OSBPL10: variants seen among roughly 807,000 people sequenced by gnomAD.
OSBPL10 encodes the protein oxysterol-binding protein-related protein 10.
OSBPL10 carries 49 observed loss-of-function variants against 81.7 expected under a neutral mutation model. That is an observed-to-expected ratio of 0.60 (90% CI 0.48 to 0.76). OSBPL10 has a LOEUF of 0.76. Ranked by LOEUF, OSBPL10 falls within the 30% of genes least tolerant of loss-of-function variation. The pLI, the probability that OSBPL10 is intolerant of heterozygous loss-of-function variation, is 0.00. For synonymous variants in OSBPL10, 419 were observed against 383.6 expected, an observed-to-expected ratio of 1.09 and a Z score of -1.08; for missense variants, 923 against 987.8, an observed-to-expected ratio of 0.93 and a Z score of 0.88.
intron 1 of OSBPL10, among the ~76,000 whole-genome samples, chr3:31,933,695 C>G (rs1227245672): frequency 6.6e-6 from 1 of 152,054 alleles, no homozygotes; most frequent in South Asian, 2.1e-4. Context: ...CAGGATTGAG[C>G]CAGGGCACCC....
At chr3:31,745,905 G>A (rs907429285) in intron 5 of OSBPL10, among the ~76,000 whole-genome samples, 2 of 152,148 alleles carry the variant, frequency 1.3e-5, no homozygotes, top group African/African-American at 4.8e-5. Flanking sequence ...AAGGGCAGTT[G>A]GGGAAAGCAT....
At chr3:31,940,477 G>C (rs773115017) in intron 1 of OSBPL10, among the ~76,000 whole-genome samples, 3 of 152,186 alleles carry the variant, frequency 2.0e-5, no homozygotes, top group Non-Finnish European at 4.4e-5. Context: ...CCTATATCTG[G>C]TTTGATGTGT....
chr3:31,788,579 T>G (rs73057421), intron 4 of OSBPL10, among the ~76,000 whole-genome samples: 8 of 152,240 alleles, frequency 5.3e-5, no homozygotes, highest in Non-Finnish European at 1.0e-4. Context: ...GCCCCTTTTC[T>G]CTAACATTCA....
At chr3:32,049,482 G>A (rs1268891976) in intron 1 of OSBPL10, among the ~76,000 whole-genome samples, 1 of 152,138 alleles carries the variant, frequency 6.6e-6, no homozygotes, top group Non-Finnish European at 1.5e-5. Context: ...TCTAAAGACA[G>A]AGAGGGTTAA....
At chr3:31,662,213 T>A in intron 11 of OSBPL10, 97 bp from the exon 12 acceptor site, 2 of 1,587,190 alleles carry the variant, frequency 1.3e-6, no homozygotes, top group South Asian at 2.3e-5. Context: ...GTCTGCCGTG[T>A]CTTAATACCT....
At chr3:32,015,488 A>G (rs1699304154) in intron 2 of OSBPL10, among the ~76,000 whole-genome samples, 1 of 152,260 alleles carries the variant, frequency 6.6e-6, no homozygotes, top group South Asian at 2.1e-4. Flanking sequence ...ACCTAAAACC[A>G]TAAAAACTCT....
chr3:31,934,461 T>G (rs1242039995), intron 1 of OSBPL10, among the ~76,000 whole-genome samples: 25 of 147,768 alleles, frequency 1.7e-4, no homozygotes, highest in African/African-American at 6.0e-4. Flanking sequence ...CAGGCTGGAG[T>G]GCAATGGCAC....
intron 7 of OSBPL10, among the ~76,000 whole-genome samples, chr3:31,696,378 T>G (rs921007777): frequency 1.6e-4 from 24 of 152,272 alleles, no homozygotes; most frequent in African/African-American, 5.5e-4. Flanking sequence ...CCCAATTTTC[T>G]GTTCCCTTTT....
chr3:31,747,317 CA>C (rs533249457), intron 5 of OSBPL10, among the ~76,000 whole-genome samples: 52 of 140,332 alleles, frequency 3.7e-4, no homozygotes, highest in East Asian at 1.8e-3. Flanking sequence ...GACTTTGACT[CA>C]AAAAAAAAAA....
At chr3:31,686,509 A>G (rs888575753) in intron 7 of OSBPL10, among the ~76,000 whole-genome samples, 3 of 152,208 alleles carry the variant, frequency 2.0e-5, no homozygotes, top group Non-Finnish European at 4.4e-5. Flanking sequence ...AATCATAAAA[A>G]CACTCAAAAT....
At chr3:32,069,456 A>G (rs1341160570) in intron 1 of OSBPL10, among the ~76,000 whole-genome samples, 1 of 152,182 alleles carries the variant, frequency 6.6e-6, no homozygotes, top group African/African-American at 2.4e-5. Context: ...GCAGCTTATA[A>G]GCTGTTAATT....
intron 4 of OSBPL10, among the ~76,000 whole-genome samples, chr3:31,761,293 G>A (rs778084160): frequency 6.6e-6 from 1 of 151,908 alleles, no homozygotes; most frequent in African/African-American, 2.4e-5. Flanking sequence ...CCAACATAGT[G>A]AAACCCAATC....
chr3:31,754,525 C>G (rs748718400), intron 4 of OSBPL10, among the ~76,000 whole-genome samples: 3 of 152,136 alleles, frequency 2.0e-5, no homozygotes, highest in Admixed American at 6.6e-5. Flanking sequence ...AGAAATATCA[C>G]ACTGTATACT....
chr3:31,708,727 A>G (rs78125279), intron 6 of OSBPL10: 14,180 of 985,282 alleles, frequency 0.014, 143 homozygotes, highest in Non-Finnish European at 0.016. Context: ...TCCTTCCCAC[A>G]CACTGCACAG....
chr3:31,882,606 A>T (rs7636324), intron 1 of OSBPL10, among the ~76,000 whole-genome samples: 111,219 of 152,048 alleles, frequency 0.73, 41,568 homozygotes, highest in African/African-American at 0.89. Flanking sequence ...CAGCCTTCCC[A>T]GCACTTAGGG....
intron 2 of OSBPL10, among the ~76,000 whole-genome samples, chr3:32,018,021 G>A (rs148457054): frequency 5.3e-5 from 8 of 152,070 alleles, no homozygotes; most frequent in South Asian, 2.1e-4. Flanking sequence ...GGTGGCGGGC[G>A]CCTGTAATCC....
chr3:31,922,543 G>T (rs978216958), intron 1 of OSBPL10, among the ~76,000 whole-genome samples: 1 of 152,112 alleles, frequency 6.6e-6, no homozygotes, highest in Non-Finnish European at 1.5e-5. Context: ...GCTTGAACCC[G>T]GGAGGCGGAG....
At chr3:31,877,419 T>C (rs535634319) in intron 2 of OSBPL10, among the ~76,000 whole-genome samples, 2 of 152,360 alleles carry the variant, frequency 1.3e-5, no homozygotes, top group Admixed American at 6.5e-5. Context: ...TGTATAGTTA[T>C]GTCCTTCCAT....
intron 2 of OSBPL10, among the ~76,000 whole-genome samples, chr3:32,007,491 A>G (rs1161774586): frequency 6.6e-6 from 1 of 152,146 alleles, no homozygotes; most frequent in East Asian, 1.9e-4. Context: ...TGGAGGCTCA[A>G]AAAGAGACTC....
Sources: allele counts gnomAD v4.1 joint callset (sites outside exome capture counted in the v4.1 genomes callset), GRCh38; gene constraint gnomAD v4.1.1; transcripts MANE v1.5; gene names NCBI Gene and HGNC (gene_info 2026-07-23, HGNC 2026-07-21).